Variants in NRIP1 observed in about 807,000 individuals in gnomAD.
NRIP1 encodes the protein nuclear receptor-interacting protein 1.
A neutral mutation model predicts 75.0 loss-of-function variants in NRIP1; 28 were observed. The observed-to-expected ratio is 0.37, with a 90% CI of 0.28 to 0.51. NRIP1 has a LOEUF of 0.51. Among genes scored for constraint, NRIP1 ranks in the 20% least tolerant of loss-of-function variants. The pLI, the probability that NRIP1 is intolerant of heterozygous loss-of-function variation, is 0.92. For missense variants in NRIP1, 1,435 were observed against 1,343.7 expected, an observed-to-expected ratio of 1.07 and a Z score of -1.06; for synonymous variants, 526 against 487.6, an observed-to-expected ratio of 1.08 and a Z score of -1.04.
At chr21:15,008,818 C>T (rs1466024247) in intron 3 of NRIP1, among the ~76,000 whole-genome samples, 1 of 152,202 alleles carries the variant, frequency 6.6e-6, no homozygotes, top group African/African-American at 2.4e-5. Context: ...GAAAAGACTA[C>T]TTTCATACTA....
chr21:14,976,584 A>G (rs921832950), intron 3 of NRIP1, among the ~76,000 whole-genome samples: 2 of 152,198 alleles, frequency 1.3e-5, no homozygotes, highest in Non-Finnish European at 2.9e-5. Context: ...TAAAATAGCT[A>G]AACTATTTTC....
At chr21:14,986,026 C>T (rs1426195097) in intron 3 of NRIP1, among the ~76,000 whole-genome samples, 1 of 152,048 alleles carries the variant, frequency 6.6e-6, no homozygotes, top group African/African-American at 2.4e-5. Flanking sequence ...TTTACAGTAT[C>T]AACCACAATT....
At chr21:15,036,819 T>C (rs1366479526) in intron 2 of NRIP1, among the ~76,000 whole-genome samples, 1 of 152,204 alleles carries the variant, frequency 6.6e-6, no homozygotes. Context: ...TAGGGAAATC[T>C]GTGAAATGAT....
intron 1 of NRIP1, among the ~76,000 whole-genome samples, chr21:15,045,442 C>T (rs761323123): frequency 6.6e-6 from 1 of 152,088 alleles, no homozygotes; most frequent in Non-Finnish European, 1.5e-5. Context: ...AGCTTTATGT[C>T]GAAACAATGT....
chr21:15,047,150 C>T (rs1232580031), intron 1 of NRIP1, among the ~76,000 whole-genome samples: 4 of 152,158 alleles, frequency 2.6e-5, no homozygotes, highest in African/African-American at 4.8e-5. Flanking sequence ...TCTCAGGAAA[C>T]TTAAAATCAT....
At chr21:15,051,766 A>G (rs549831536) in intron 1 of NRIP1, 1 of 152,348 alleles carries the variant, frequency 6.6e-6, no homozygotes, top group Admixed American at 6.5e-5. Flanking sequence ...GTGCTTTTTT[A>G]ACCTCTAAAA....
At chr21:15,065,108 T>G (rs1211336986), upstream of NRIP1, 2 of 152,830 alleles carry the variant, frequency 1.3e-5, no homozygotes, top group African/African-American at 2.4e-5. Context: ...CCCCACGCCA[T>G]TCAGCTCTTC....
chr21:15,018,882 GCAAA>G (rs1314365736), intron 2 of NRIP1, among the ~76,000 whole-genome samples: 1 of 151,910 alleles, frequency 6.6e-6, no homozygotes, highest in Non-Finnish European at 1.5e-5. Flanking sequence ...AGTGGTGAGC[GCAAA>G]CATTCATGCT....
At chr21:15,013,395 G>T (rs1475452597) in intron 3 of NRIP1, among the ~76,000 whole-genome samples, 1 of 152,192 alleles carries the variant, frequency 6.6e-6, no homozygotes, top group Non-Finnish European at 1.5e-5. Context: ...CAGGTAAAGA[G>T]CAAATTTGGC....
chr21:14,976,617 C>T (rs1374690043), intron 3 of NRIP1, among the ~76,000 whole-genome samples: 3 of 152,078 alleles, frequency 2.0e-5, no homozygotes, highest in South Asian at 2.1e-4. Flanking sequence ...TTTACATTTT[C>T]TGTTTGGAAA....
intron 2 of NRIP1, among the ~76,000 whole-genome samples, chr21:15,037,738 A>T (rs2088866972): frequency 6.6e-6 from 1 of 152,148 alleles, no homozygotes; most frequent in Admixed American, 6.5e-5. Flanking sequence ...TGCTTAAGGA[A>T]GGGGCAAACC....
chr21:15,049,354 C>T lies in NRIP1; in HGVS notation c.-537-5780G>A, dbSNP rs147066437. Among the ~76,000 whole-genome samples the T allele has an allele frequency of 5.3e-5, 8 of 152,136 alleles. No homozygotes were observed. In the East Asian group the frequency reaches 1.5e-3, roughly 29 times the overall value. On this transcript the variant is annotated intron_variant, in intron 1 of 3. Transcript: ENST00000318948. The stretch of plus-strand genomic sequence containing the variant: ...CTATATTAATAAAAGAAAAGAGGTA[C>T]AATAGATTGACAGATTAACAATCAT...
intron 1 of NRIP1, among the ~76,000 whole-genome samples, chr21:15,057,519 G>T (rs2089332767): frequency 6.6e-6 from 1 of 152,176 alleles, no homozygotes; most frequent in Admixed American, 6.5e-5. Flanking sequence ...AGCTGCTGCA[G>T]AATCATCGAC....
Position 15,030,991 on chromosome 21 carries a change from G to A in NRIP1, c.-458+12504C>T, listed in dbSNP as rs1346546557. Among the ~76,000 whole-genome samples the A allele has an allele frequency of 2.0e-3, 262 of 133,254 alleles. 8 individuals carry two copies. The highest frequency in any genetic ancestry group is 3.3e-3 in the Admixed American group (43 of 12,842). The allele number at this position is 133,254 out of a possible 152,430, so 87.4% of individuals were successfully genotyped here. A position where few individuals can be genotyped will look rare whatever the true frequency, so the allele number is the denominator to read the frequency against. On this transcript the variant is annotated intron_variant, in intron 2 of 3. Coordinates refer to ENST00000318948, the MANE Select transcript of NRIP1 (RefSeq NM_003489.4). ...TCTATGTGTGTACACTCTGGAAGGTGTTCAGAGGTTCACCACATTCCCTTT... is the reference window on the plus strand; with the variant it reads ...TCTATGTGTGTACACTCTGGAAGGTATTCAGAGGTTCACCACATTCCCTTT...
intron 1 of NRIP1, among the ~76,000 whole-genome samples, chr21:15,060,002 T>C (rs2089389737): frequency 6.6e-6 from 1 of 152,192 alleles, no homozygotes; most frequent in South Asian, 2.1e-4. Flanking sequence ...AAATATTTTA[T>C]GTTTCGGGTG....
At chr21:15,014,699 G>T (rs1417544104) in intron 2 of NRIP1, among the ~76,000 whole-genome samples, 1 of 152,054 alleles carries the variant, frequency 6.6e-6, no homozygotes, top group Non-Finnish European at 1.5e-5. Flanking sequence ...AAAATAAGCT[G>T]TGAAAAAGGT....
intron 1 of NRIP1, among the ~76,000 whole-genome samples, chr21:15,044,837 A>G (rs941769585): frequency 2.0e-5 from 3 of 152,208 alleles, no homozygotes; most frequent in African/African-American, 7.2e-5. Flanking sequence ...TATCTTGCTT[A>G]TTGTTATTCT....
At chr21:15,041,846 A>G (rs2088962445) in intron 2 of NRIP1, among the ~76,000 whole-genome samples, 1 of 152,180 alleles carries the variant, frequency 6.6e-6, no homozygotes, top group Non-Finnish European at 1.5e-5. Context: ...TTCTGATCAT[A>G]TAATTTATTT....
intron 2 of NRIP1, among the ~76,000 whole-genome samples, chr21:15,024,823 T>C (rs902499127): frequency 1.3e-5 from 2 of 152,164 alleles, no homozygotes; most frequent in African/African-American, 4.8e-5. Context: ...CATAAAAGTA[T>C]TTAATGTAAA....
Sources: gnomAD v4.1 joint callset for allele counts (sites outside exome capture counted in the v4.1 genomes callset) on GRCh38, gnomAD v4.1.1 for gene constraint, MANE v1.5 for transcripts, NCBI Gene and HGNC (gene_info 2026-07-23, HGNC 2026-07-21) for gene names.